CLCN3: variants seen among roughly 807,000 people sequenced by gnomAD.
CLCN3 encodes the protein H(+)/Cl(-) exchange transporter 3.
Under a neutral mutation model 83.4 loss-of-function variants are expected in CLCN3, and 16 were observed. The observed-to-expected ratio is 0.19, with a 90% CI of 0.13 to 0.29. The LOEUF is 0.29. CLCN3 is among the 10% of genes least tolerant of loss of function. CLCN3 has a pLI of 1.00. For missense variants in CLCN3, 544 were observed against 1,006.0 expected, an observed-to-expected ratio of 0.54 and a Z score of 6.21; for synonymous variants, 322 against 346.2, an observed-to-expected ratio of 0.93 and a Z score of 0.78.
chr4:169,645,949 A>G (rs903048789), intron 2 of CLCN3, among the ~76,000 whole-genome samples: 1 of 152,156 alleles, frequency 6.6e-6, no homozygotes, highest in African/African-American at 2.4e-5. Flanking sequence ...TTTTTTCAGT[A>G]AAATTATCCT....
intron 9 of CLCN3, among the ~76,000 whole-genome samples, chr4:169,701,393 A>T (rs963818297): frequency 6.6e-6 from 1 of 152,136 alleles, no homozygotes; most frequent in African/African-American, 2.4e-5. Context: ...AACCCCTCAG[A>T]GTCATTCATG....
chr4:169,658,746 C>T (rs1234261069), intron 2 of CLCN3, among the ~76,000 whole-genome samples: 1 of 151,878 alleles, frequency 6.6e-6, no homozygotes, highest in Non-Finnish European at 1.5e-5. Flanking sequence ...ACCTACTATC[C>T]TATCAAAAAT....
intron 9 of CLCN3, among the ~76,000 whole-genome samples, chr4:169,699,262 C>T (rs566577804): frequency 3.6e-4 from 55 of 152,150 alleles, no homozygotes; most frequent in African/African-American, 1.2e-3. Context: ...ATTAAGGCAG[C>T]TGGGTCTTAT....
At chr4:169,695,558 T>C (rs534759767) in intron 7 of CLCN3, 54 bp from the exon 8 acceptor site, 4 of 1,269,982 alleles carry the variant, frequency 3.1e-6, no homozygotes, top group Non-Finnish European at 3.4e-6. Flanking sequence ...GAATTTTTAT[T>C]TGGTATGTTT....
chr4:169,657,889 AG>A (rs1272269916), intron 2 of CLCN3, among the ~76,000 whole-genome samples: 1 of 152,146 alleles, frequency 6.6e-6, no homozygotes, highest in Non-Finnish European at 1.5e-5. Flanking sequence ...GGTAATAAAA[AG>A]TCTCTATCAA....
chr4:169,625,617 T>A (rs979616781), intron 1 of CLCN3, among the ~76,000 whole-genome samples: 1 of 152,212 alleles, frequency 6.6e-6, no homozygotes, highest in Admixed American at 6.5e-5. Context: ...AAGAACACGC[T>A]GGTCTTGAGT....
chr4:169,653,819 T>A (rs745495544), intron 2 of CLCN3, among the ~76,000 whole-genome samples: 1 of 151,876 alleles, frequency 6.6e-6, no homozygotes, highest in Non-Finnish European at 1.5e-5. Flanking sequence ...GATGCCAGGC[T>A]CCTTTAAACA....
chr4:169,687,762 A>G lies in CLCN3; in HGVS notation c.418+5A>G. 1 of 1,522,452 alleles carries G rather than the reference A, an allele frequency of 6.6e-7. No homozygotes were observed. Among genetic ancestry groups the G allele is most frequent in the Non-Finnish European group, 8.9e-7 (1 of 1,121,298 alleles). 94.3% of individuals were successfully genotyped at this position (1,522,452 alleles called of 1,614,324 possible). A position where few individuals can be genotyped will look rare whatever the true frequency, so the allele number is the denominator to read the frequency against. On this transcript the variant is annotated splice_donor_5th_base_variant and intron_variant, in intron 4 of 12. Transcript: ENST00000513761. ...CACTAACAGGATTGGCATCAGGTAA[A>G]GAAAATTTTTCAAGCAATCCTTTTT...
intron 11 of CLCN3, 38 bp downstream of exon 11, chr4:169,707,304 G>A (rs779033579): frequency 1.4e-6 from 2 of 1,443,918 alleles, no homozygotes; most frequent in Non-Finnish European, 1.9e-6. Context: ...TATATGAGAT[G>A]GATTTCTGGA....
intron 2 of CLCN3, among the ~76,000 whole-genome samples, chr4:169,654,743 T>C (rs555512115): frequency 1.5e-3 from 224 of 152,296 alleles, no homozygotes; most frequent in Middle Eastern, 3.4e-3. Flanking sequence ...TGTGTTGAAA[T>C]TTTTTGCAAC....
At chr4:169,710,363 TC>T (rs767589636) in intron 11 of CLCN3, among the ~76,000 whole-genome samples, 3 of 152,304 alleles carry the variant, frequency 2.0e-5, no homozygotes, top group South Asian at 4.1e-4. Context: ...TTCCCTGGCA[TC>T]CGGTGATCCT....
At chr4:169,670,016 A>T (rs1392332716) in intron 2 of CLCN3, among the ~76,000 whole-genome samples, 1 of 152,010 alleles carries the variant, frequency 6.6e-6, no homozygotes, top group African/African-American at 2.4e-5. Context: ...TAGATTCTGG[A>T]TATTAGACCT....
chr4:169,681,706 TA>T (rs945944158), intron 3 of CLCN3, among the ~76,000 whole-genome samples: 2 of 151,564 alleles, frequency 1.3e-5, no homozygotes, highest in South Asian at 4.2e-4. Flanking sequence ...CTGAGGATTT[TA>T]AAAAAAAATA....
chr4:169,656,766 C>G (rs1730899739), intron 2 of CLCN3, among the ~76,000 whole-genome samples: 1 of 152,124 alleles, frequency 6.6e-6, no homozygotes, highest in East Asian at 1.9e-4. Flanking sequence ...TAAGACCTAT[C>G]TCTACAAAAA....
At chr4:169,709,287 T>G (rs1348562088) in intron 11 of CLCN3, among the ~76,000 whole-genome samples, 2 of 151,666 alleles carry the variant, frequency 1.3e-5, no homozygotes, top group Non-Finnish European at 2.9e-5. Context: ...ACTAGATAGA[T>G]TCTCCTGTTT....
At chr4:169,663,924 G>A (rs559692201) in intron 2 of CLCN3, among the ~76,000 whole-genome samples, 3 of 152,304 alleles carry the variant, frequency 2.0e-5, no homozygotes, top group Admixed American at 6.5e-5. Context: ...TCTAGTGAAC[G>A]ATAGAAATGA....
chr4:169,696,611 G>T (rs1245391582), intron 8 of CLCN3, among the ~76,000 whole-genome samples: 1 of 151,628 alleles, frequency 6.6e-6, no homozygotes, highest in Non-Finnish European at 1.5e-5. Flanking sequence ...ATTAACTGTG[G>T]TCATCTTACT....
intron 2 of CLCN3, among the ~76,000 whole-genome samples, chr4:169,651,819 A>G (rs763320306): frequency 5.9e-5 from 9 of 152,168 alleles, no homozygotes; most frequent in Non-Finnish European, 1.0e-4. Flanking sequence ...CTATGGACCT[A>G]TTTTACACAG....
intron 2 of CLCN3, among the ~76,000 whole-genome samples, chr4:169,647,169 C>T (rs1235722533): frequency 3.3e-5 from 5 of 152,202 alleles, no homozygotes; most frequent in Middle Eastern, 3.4e-3. Context: ...GTGGATGGAT[C>T]TCTTGATCCC....
Sources: gnomAD v4.1 joint callset for allele counts (sites outside exome capture counted in the v4.1 genomes callset) on GRCh38, gnomAD v4.1.1 for gene constraint, MANE v1.5 for transcripts, NCBI Gene and HGNC (gene_info 2026-07-23, HGNC 2026-07-21) for gene names.